CELF2: variants seen among roughly 807,000 people sequenced by gnomAD.
The protein encoded by CELF2 is CUGBP Elav-like family member 2.
A neutral mutation model predicts 62.6 loss-of-function variants in CELF2; 8 were observed. That is an observed-to-expected ratio of 0.13 (90% CI 0.07 to 0.23). CELF2 has a LOEUF of 0.23. Ranked by LOEUF, CELF2 falls within the 10% of genes least tolerant of loss-of-function variation. The pLI is 1.00. For synonymous variants in CELF2, 258 were observed against 250.0 expected, an observed-to-expected ratio of 1.03 and a Z score of -0.30; for missense variants, 333 against 671.0, an observed-to-expected ratio of 0.50 and a Z score of 5.56.
chr10:11,079,588 A>G (rs1251090617), intron 1 of CELF2, among the ~76,000 whole-genome samples: 1 of 151,966 alleles, frequency 6.6e-6, no homozygotes, highest in African/African-American at 2.4e-5. Context: ...ATTCATTCTC[A>G]CTCCTGCCTC....
intron 2 of CELF2, among the ~76,000 whole-genome samples, chr10:11,181,437 T>TTA (rs1224494319): frequency 2.6e-5 from 4 of 152,344 alleles, no homozygotes; most frequent in African/African-American, 9.6e-5. Context: ...GTACACTGAA[T>TTA]TATTCCTTCA....
the CELF2 span, among the ~76,000 whole-genome samples, chr10:10,664,698 G>T: frequency 6.6e-6 from 1 of 152,192 alleles, no homozygotes. Context: ...CTTGAGTTCT[G>T]CTAAATACAG....
chr10:10,656,304 T>A, the CELF2 span, among the ~76,000 whole-genome samples: 1 of 149,992 alleles, frequency 6.7e-6, no homozygotes. Flanking sequence ...ATTGTGGAAG[T>A]CAGTGTGGCG....
At chr10:10,847,086 C>T (rs1378974018) in intron 1 of CELF2, among the ~76,000 whole-genome samples, 1 of 151,942 alleles carries the variant, frequency 6.6e-6, no homozygotes, top group Non-Finnish European at 1.5e-5. Flanking sequence ...GTAAGTTAAA[C>T]AGTAGCTTAA....
chr10:10,545,506 A>G, the CELF2 span, among the ~76,000 whole-genome samples: 1 of 152,378 alleles, frequency 6.6e-6, no homozygotes, highest in East Asian at 1.9e-4. Context: ...GATGCCCCTT[A>G]CATTAACAGT....
At chr10:10,906,164 G>A (rs1320367197) in intron 1 of CELF2, among the ~76,000 whole-genome samples, 3 of 134,158 alleles carry the variant, frequency 2.2e-5, no homozygotes, top group Non-Finnish European at 3.1e-5. Context: ...TGCATAGGCT[G>A]TCTAACTATT....
In CELF2 at chr10:11,262,940, C is replaced by CTTTTTTTTTTTTTTTTTTTTTTTTT. The variant is rs553831640; in HGVS notation, c.539-3655_539-3631dup. Among the ~76,000 whole-genome samples, 29 of 52,760 alleles carry CTTTTTTTTTTTTTTTTTTTTTTTTT rather than the reference C, an allele frequency of 5.5e-4. 10 individuals carry two copies. The highest frequency in any genetic ancestry group is 2.3e-3 in the Admixed American group (7 of 3,080). The allele number at this position is 52,760 out of a possible 152,430, so 34.6% of individuals were successfully genotyped here. On this transcript the variant is annotated intron_variant, in intron 5 of 12. Coordinates refer to ENST00000633077, the MANE Select transcript of CELF2 (RefSeq NM_001326342.2). ...GTTCATGCTTTTAAAAGTGGCTTTA[C>CTTTTTTTTTTTTTTTTTTTTTTTTT]TTTTTTTTTTTTTTTTTTTTTTTTT...
chr10:10,809,371 G>A (rs2055599730), intron 1 of CELF2, among the ~76,000 whole-genome samples: 1 of 152,122 alleles, frequency 6.6e-6, no homozygotes, highest in African/African-American at 2.4e-5. Context: ...CCAGTCTATG[G>A]TATTTCATTA....
At chr10:11,299,571 C>A (rs1057509893) in intron 9 of CELF2, among the ~76,000 whole-genome samples, 1 of 152,192 alleles carries the variant, frequency 6.6e-6, no homozygotes, top group Non-Finnish European at 1.5e-5. Context: ...GGCCCGAGCC[C>A]GGTCCCATCA....
chr10:10,532,640 G>A, the CELF2 span, among the ~76,000 whole-genome samples: 2 of 152,140 alleles, frequency 1.3e-5, no homozygotes, highest in Non-Finnish European at 2.9e-5. Context: ...ATCTAAATAG[G>A]ATACAGCCAA....
chr10:10,562,566 G>A, the CELF2 span, among the ~76,000 whole-genome samples: 3 of 152,118 alleles, frequency 2.0e-5, no homozygotes, highest in Admixed American at 6.5e-5. Flanking sequence ...GCCCGGCTCC[G>A]GAGCGTTCAT....
chr10:10,742,341 T>G, the CELF2 span, among the ~76,000 whole-genome samples: 1 of 152,146 alleles, frequency 6.6e-6, no homozygotes, highest in Non-Finnish European at 1.5e-5. Flanking sequence ...CTTACAATAC[T>G]CTTTTGGGTG....
chr10:11,258,322 T>C (rs2079429671), intron 5 of CELF2, among the ~76,000 whole-genome samples: 2 of 152,188 alleles, frequency 1.3e-5, no homozygotes, highest in South Asian at 2.1e-4. Flanking sequence ...AATGTTCACA[T>C]GTAGTGCAGA....
At chr10:10,681,237 T>C in the CELF2 span, among the ~76,000 whole-genome samples, 9,267 of 152,194 alleles carry the variant, frequency 0.061, 463 homozygotes, top group East Asian at 0.29. Flanking sequence ...GAGTGACCTA[T>C]GGGCCCCAGG....
rs988768356 is a variant in CELF2, at chr10:11,011,372, A to T, written c.53+5932A>T. On this transcript the variant is annotated intron_variant, in intron 1 of 12. Transcript: ENST00000416382. This position sits in a 1 kb window ranked among gnomAD's most constrained non-coding sequence, Gnocchi z 4.6. ...AAGTGGCGAGATGCAGAGACAGGGGAGTTGAGCTGGGCCCTGAAGGATGGG... is the reference window on the plus strand; with the variant it reads ...AAGTGGCGAGATGCAGAGACAGGGGTGTTGAGCTGGGCCCTGAAGGATGGG... 6.6e-6 allele frequency among the ~76,000 whole-genome samples: 1 copy of T among 150,966 alleles called. No homozygotes were observed.
In CELF2 at chr10:11,244,770, G is replaced by A. The variant is rs1052027308; in HGVS notation, c.355-4383G>A. On this transcript the variant is annotated intron_variant, in intron 3 of 12. Transcript: ENST00000633077. This position sits in a 1 kb window ranked among gnomAD's most constrained non-coding sequence, Gnocchi z 4.2. ...AGTAGGGCCTATTTTCTCTTATTCT[G>A]TGCCTCCAAATAAATTGTTCTTTTC... Among the ~76,000 whole-genome samples, 2 of 151,796 alleles carry A rather than the reference G, an allele frequency of 1.3e-5. No homozygotes were observed. Among genetic ancestry groups the A allele is most frequent in the African/African-American group, 2.4e-5 (1 of 41,306 alleles).
At chr10:10,620,553 TG>T in the CELF2 span, among the ~76,000 whole-genome samples, 2 of 151,796 alleles carry the variant, frequency 1.3e-5, no homozygotes, top group East Asian at 1.9e-4. Flanking sequence ...AGAAAAATGT[TG>T]CTGACCCCTG....
chr10:10,568,086 A>G, the CELF2 span, among the ~76,000 whole-genome samples: 1 of 152,156 alleles, frequency 6.6e-6, no homozygotes, highest in East Asian at 1.9e-4. Context: ...GCAAAGGGTG[A>G]TAAGATAGGA....
chr10:11,095,668 T>C (rs900838930), intron 1 of CELF2, among the ~76,000 whole-genome samples: 1 of 151,956 alleles, frequency 6.6e-6, no homozygotes, highest in Non-Finnish European at 1.5e-5. Context: ...TTGAAAGAGG[T>C]TGTGGTAGAA....
Sources: gnomAD v4.1 joint callset for allele counts (sites outside exome capture counted in the v4.1 genomes callset) on GRCh38, gnomAD v4.1.1 for gene constraint, Gnocchi (gnomAD v3.1) non-coding constraint, MANE v1.5 for transcripts, NCBI Gene and HGNC (gene_info 2026-07-23, HGNC 2026-07-21) for gene names.